The following PAK1 variants were observed in gnomAD, a reference collection of about 807,000 sequenced individuals.
The protein encoded by PAK1 is serine/threonine-protein kinase PAK 1.
PAK1 carries 29 observed loss-of-function variants against 67.4 expected under a neutral mutation model. The ratio of observed to expected loss-of-function variants is 0.43; its 90% CI spans 0.32 to 0.59. The LOEUF (loss-of-function observed/expected upper bound fraction) is 0.59. Among genes scored for constraint, PAK1 ranks in the 20% least tolerant of loss-of-function variants. PAK1 has a pLI of 0.07. For synonymous variants in PAK1, 223 were observed against 237.4 expected, an observed-to-expected ratio of 0.94 and a Z score of 0.56; for missense variants, 337 against 670.7, an observed-to-expected ratio of 0.50 and a Z score of 5.50.
the PAK1 span, among the ~76,000 whole-genome samples, chr11:77,501,140 G>A: frequency 3.4e-5 from 5 of 147,340 alleles, no homozygotes; most frequent in Non-Finnish European, 7.5e-5. Context: ...GACAGAGCGA[G>A]ACTCCGTCTC....
At chr11:77,327,022 G>T in intron 14 of PAK1, among the ~76,000 whole-genome samples, 1 of 152,196 alleles carries the variant, frequency 6.6e-6, no homozygotes, top group Non-Finnish European at 1.5e-5. Flanking sequence ...TCAACTGGAA[G>T]AAAGGGTATC....
At chr11:77,416,769 C>T (rs1954981030) in intron 1 of PAK1, among the ~76,000 whole-genome samples, 1 of 152,036 alleles carries the variant, frequency 6.6e-6, no homozygotes, top group Non-Finnish European at 1.5e-5. Flanking sequence ...CTGGCTAACA[C>T]AGTGAAACCC....
chr11:77,459,677 G>A (rs1400985797), intron 1 of PAK1, among the ~76,000 whole-genome samples: 3 of 144,954 alleles, frequency 2.1e-5, no homozygotes, highest in Admixed American at 1.4e-4. Flanking sequence ...AAAACAGAGG[G>A]GCTCTTCTTC....
intron 5 of PAK1, among the ~76,000 whole-genome samples, chr11:77,365,034 G>C (rs536472532): frequency 2.0e-5 from 3 of 152,004 alleles, no homozygotes; most frequent in Admixed American, 1.3e-4. Context: ...GGATCACGAA[G>C]TCAGGAGTTC....
the PAK1 span, among the ~76,000 whole-genome samples, chr11:77,488,284 C>T: frequency 0.01 from 1,555 of 152,092 alleles, 18 homozygotes; most frequent in Non-Finnish European, 0.015. Flanking sequence ...TCACAACACC[C>T]GAGTCCCTTC....
chr11:77,461,322 G>C (rs547696550), intron 1 of PAK1, among the ~76,000 whole-genome samples: 1 of 152,216 alleles, frequency 6.6e-6, no homozygotes, highest in Admixed American at 6.5e-5. Context: ...TAATGTAGAT[G>C]TTGCTGGGAA....
chr11:77,512,380 C>CT, the PAK1 span, among the ~76,000 whole-genome samples: 35,907 of 151,980 alleles, frequency 0.24, 4,525 homozygotes, highest in South Asian at 0.48. Flanking sequence ...TGTGTGGTCT[C>CT]TGTGAGCAGG....
chr11:77,464,990 G>GTA (rs1491328699), intron 1 of PAK1, among the ~76,000 whole-genome samples: 1 of 16,104 alleles, frequency 6.2e-5, no homozygotes, highest in Non-Finnish European at 1.4e-4. Context: ...ACATGAAAGA[G>GTA]TGTGTGTGTG....
chr11:77,431,540 C>A (rs1033358837), intron 1 of PAK1, among the ~76,000 whole-genome samples: 1 of 152,130 alleles, frequency 6.6e-6, no homozygotes, highest in Admixed American at 6.5e-5. Flanking sequence ...TTAAGAGTTA[C>A]CCCTTTCACC....
At chr11:77,368,341 G>A (rs1366716201) in intron 5 of PAK1, among the ~76,000 whole-genome samples, 1 of 152,178 alleles carries the variant, frequency 6.6e-6, no homozygotes, top group Non-Finnish European at 1.5e-5. Context: ...AAAAATATGT[G>A]TAACCTGCAA....
intron 2 of PAK1, among the ~76,000 whole-genome samples, chr11:77,382,255 A>G (rs980743772): frequency 6.6e-6 from 1 of 152,216 alleles, no homozygotes; most frequent in African/African-American, 2.4e-5. Flanking sequence ...TACAGAAAAG[A>G]GTTCCAGAGA....
At chr11:77,490,784 A>T in the PAK1 span, among the ~76,000 whole-genome samples, 2 of 152,246 alleles carry the variant, frequency 1.3e-5, no homozygotes, top group African/African-American at 4.8e-5. Flanking sequence ...TTCTGTACTA[A>T]GAAAAATTCT....
At chr11:77,475,952 C>T (rs1319166935), upstream of PAK1, 2 of 152,254 alleles carry the variant, frequency 1.3e-5, no homozygotes, top group African/African-American at 4.8e-5. Context: ...AGCCAGATCA[C>T]CTGAGGTCAG....
intron 1 of PAK1, among the ~76,000 whole-genome samples, chr11:77,445,338 T>C (rs111755918): frequency 1.3e-5 from 2 of 152,222 alleles, no homozygotes; most frequent in African/African-American, 4.8e-5. Context: ...AGTCACCCAA[T>C]CTGTGGTACA....
In PAK1 at chr11:77,331,181, TTGG is replaced by T. The variant is rs927458571; in HGVS notation, c.1551+1546_1551+1548del. ...GAGAAATACGAACACTTTTACACTGTTGGTGGGAGTGTAAACTAGTTCAACCAT... is the reference window on the plus strand; with the variant it reads ...GAGAAATACGAACACTTTTACACTGTTGGGAGTGTAAACTAGTTCAACCAT... On this transcript the variant is annotated intron_variant, in intron 14 of 14. Transcript: ENST00000356341. 5.2e-4 allele frequency among the ~76,000 whole-genome samples: 79 copies of T among 152,342 alleles called. 1 individual carries two copies. Among genetic ancestry groups the T allele is most frequent in the African/African-American group, 1.7e-3 (71 of 41,560 alleles).
At chr11:77,419,941 ATAAG>A (rs1955170191) in intron 1 of PAK1, among the ~76,000 whole-genome samples, 1 of 152,204 alleles carries the variant, frequency 6.6e-6, no homozygotes, top group Non-Finnish European at 1.5e-5. Flanking sequence ...CAAAAACACT[ATAAG>A]TAAAGAAACA....
At chr11:77,357,738 A>G (rs976299208) in intron 6 of PAK1, among the ~76,000 whole-genome samples, 3 of 152,174 alleles carry the variant, frequency 2.0e-5, no homozygotes, top group African/African-American at 4.8e-5. Flanking sequence ...ATACCTTTTT[A>G]GAAAGAAATG....
chr11:77,413,276 A>G (rs751586168), intron 1 of PAK1, among the ~76,000 whole-genome samples: 1 of 152,236 alleles, frequency 6.6e-6, no homozygotes, highest in South Asian at 2.1e-4. Flanking sequence ...AAATAAGTTA[A>G]TAACTTCTCT....
chr11:77,391,892 C>T (rs1328692626), intron 2 of PAK1, among the ~76,000 whole-genome samples: 1 of 152,030 alleles, frequency 6.6e-6, no homozygotes, highest in Non-Finnish European at 1.5e-5. Flanking sequence ...CTTACTGATA[C>T]GTAGTCCCCA....
Sources: allele counts gnomAD v4.1 joint callset (sites outside exome capture counted in the v4.1 genomes callset), GRCh38; gene constraint gnomAD v4.1.1; transcripts MANE v1.5; gene names NCBI Gene and HGNC (gene_info 2026-07-23, HGNC 2026-07-21).